DNAJC8: variants seen among roughly 807,000 people sequenced by gnomAD.
DNAJC8 encodes the protein DnaJ heat shock protein family (Hsp40) member C8.
A neutral mutation model predicts 43.2 loss-of-function variants in DNAJC8; 24 were observed. The ratio of observed to expected loss-of-function variants is 0.56; its 90% CI spans 0.40 to 0.78. DNAJC8 has a LOEUF of 0.78. DNAJC8 is among the 30% of genes least tolerant of loss of function. The pLI, the probability that DNAJC8 is intolerant of heterozygous loss-of-function variation, is 0.00. For synonymous variants in DNAJC8, 83 were observed against 98.0 expected (o/e 0.85, Z 0.90); for missense variants, 207 against 299.4 (o/e 0.69, Z 2.28).
At chr1:28,224,659 C>T (rs544017956) in intron 2 of DNAJC8, among the ~76,000 whole-genome samples, 11 of 152,032 alleles carry the variant, frequency 7.2e-5, no homozygotes, top group African/African-American at 2.2e-4. Context: ...CTGAGGAGGG[C>T]GGATCATGAG....
chr1:28,224,767 C>T (rs922279374), intron 2 of DNAJC8, among the ~76,000 whole-genome samples: 20 of 152,040 alleles, frequency 1.3e-4, no homozygotes, highest in African/African-American at 4.1e-4. Flanking sequence ...TCCTGTAATC[C>T]CAGCAACCAG....
rs1314233756 is a variant in DNAJC8 at position 28,212,170 on chromosome 1, T to TAAAAAA, written c.238-1534_238-1533insTTTTTT. On this transcript the variant is annotated intron_variant, in intron 3 of 8. Transcript: ENST00000263697. Reference sequence around the variant, plus strand: ...GACTCCGTCTCAATAAATAAATAAATATATATATATATATATATATATATA... The same window carrying TAAAAAA: ...GACTCCGTCTCAATAAATAAATAAATAAAAAAATATATATATATATATATATATATA... 3.4e-3 allele frequency among the ~76,000 whole-genome samples: 80 copies of TAAAAAA among 23,718 alleles called. 1 individual carries two copies. Among genetic ancestry groups the TAAAAAA allele is most frequent in the Non-Finnish European group, 5.5e-3 (66 of 12,026 alleles). 15.6% of individuals were successfully genotyped at this position (23,718 alleles called of 152,430 possible).
chr1:28,212,172 T>TATATATATATAC (rs1557707903), intron 3 of DNAJC8, among the ~76,000 whole-genome samples: 3 of 11,734 alleles, frequency 2.6e-4, no homozygotes, highest in African/African-American at 5.8e-4. Flanking sequence ...TAAATAAATA[T>TATATATATATAC]ATATATATAT....
intron 6 of DNAJC8, among the ~76,000 whole-genome samples, chr1:28,207,734 G>A (rs969528196): frequency 4.9e-5 from 7 of 143,242 alleles, no homozygotes; most frequent in East Asian, 2.1e-4. Context: ...GAGCCACTGC[G>A]CCCAGCCAAA....
intron 2 of DNAJC8, among the ~76,000 whole-genome samples, chr1:28,221,444 C>T (rs181522652): frequency 2.6e-5 from 4 of 152,246 alleles, no homozygotes; most frequent in African/African-American, 7.2e-5. Context: ...CTCACCATAT[C>T]GTCACACATC....
At chr1:28,203,651 A>G in intron 8 of DNAJC8, 96 bp downstream of exon 8, 1 of 1,210,228 alleles carries the variant, frequency 8.3e-7, no homozygotes, top group Non-Finnish European at 1.2e-6. Flanking sequence ...CACATATCCC[A>G]CTCCCCTCTG....
chr1:28,232,230 C>A (rs1646981221), intron 1 of DNAJC8, among the ~76,000 whole-genome samples: 4 of 152,190 alleles, frequency 2.6e-5, no homozygotes, highest in Admixed American at 2.6e-4. Flanking sequence ...CTGTGCCCAG[C>A]CCCTTGCAAT....
chr1:28,214,618 T>C (rs913060791), intron 3 of DNAJC8, among the ~76,000 whole-genome samples: 7 of 152,150 alleles, frequency 4.6e-5, no homozygotes, highest in African/African-American at 1.7e-4. Flanking sequence ...ATTTGATATG[T>C]TCCCTCCTAG....
chr1:28,231,694 C>T (rs1034951449), intron 1 of DNAJC8, among the ~76,000 whole-genome samples: 16 of 149,982 alleles, frequency 1.1e-4, no homozygotes, highest in African/African-American at 3.7e-4. Flanking sequence ...CAGGCCTGGG[C>T]AACAAGAGCA....
At chr1:28,215,825 C>A (rs1646849532) in intron 2 of DNAJC8, among the ~76,000 whole-genome samples, 2 of 151,750 alleles carry the variant, frequency 1.3e-5, no homozygotes, top group Admixed American at 6.6e-5. Context: ...GTGTGAGCCA[C>A]CGCGCCCAGC....
chr1:28,207,593 G>A (rs1023745277), intron 6 of DNAJC8, among the ~76,000 whole-genome samples: 5 of 150,566 alleles, frequency 3.3e-5, no homozygotes, highest in African/African-American at 1.2e-4. Flanking sequence ...ACAGGCACGT[G>A]CCACCACGCC....
At chr1:28,205,808 A>T (rs1007762707) in intron 6 of DNAJC8, among the ~76,000 whole-genome samples, 4 of 152,144 alleles carry the variant, frequency 2.6e-5, no homozygotes, top group African/African-American at 9.7e-5. Flanking sequence ...GAATCACTTG[A>T]ACCCAGGAGA....
intron 7 of DNAJC8, 56 bp downstream of exon 7, chr1:28,205,202 A>G (rs1290020790): frequency 1.5e-6 from 2 of 1,313,798 alleles, no homozygotes; most frequent in African/African-American, 2.9e-5. Context: ...ACCAAAGACC[A>G]ATGTTAGTTA....
At chr1:28,214,121 C>T (rs1646835043) in intron 3 of DNAJC8, among the ~76,000 whole-genome samples, 4 of 151,856 alleles carry the variant, frequency 2.6e-5, no homozygotes, top group Admixed American at 2.6e-4. Flanking sequence ...CTTTGTAGTT[C>T]CAGTTATTAA....
At chr1:28,216,808 CTTT>C (rs1178044559) in intron 2 of DNAJC8, among the ~76,000 whole-genome samples, 7 of 131,080 alleles carry the variant, frequency 5.3e-5, no homozygotes, top group Non-Finnish European at 3.3e-5. Flanking sequence ...GGGGCGATTT[CTTT>C]TTTTTTTTTT....
At chr1:28,204,514 G>T (rs1646756414) in intron 7 of DNAJC8, among the ~76,000 whole-genome samples, 1 of 151,602 alleles carries the variant, frequency 6.6e-6, no homozygotes, top group South Asian at 2.1e-4. Flanking sequence ...TCCAGCCTGG[G>T]CAACAAAAGC....
rs1468457051 is a variant in DNAJC8, at chr1:28,201,381, A to G, written c.640-11T>C. ...ACCATCTCGACTTTCCTAAGTACAA[A>G]AGAAGTTTGAGGTGAGGAGACCAGT... On this transcript the variant is annotated splice_polypyrimidine_tract_variant and intron_variant, in intron 8 of 8. Coordinates refer to ENST00000263697, the MANE Select transcript of DNAJC8 (RefSeq NM_014280.3). 6.2e-7 allele frequency: 1 copy of G among 1,613,678 alleles called. No homozygotes were observed. Among genetic ancestry groups the G allele is most frequent in the African/African-American group, 1.3e-5 (1 of 74,908 alleles).
rs1451252187 is a variant in DNAJC8 at position 28,200,868 on chromosome 1, C to A, written c.*380G>T. 2.8e-6 allele frequency: 1 copy of A among 359,850 alleles called. No individual in the cohort carries two copies. The highest frequency in any genetic ancestry group is 2.1e-5 in the African/African-American group (1 of 46,834). 22.3% of individuals were successfully genotyped at this position (359,850 alleles called of 1,614,324 possible). A position where few individuals can be genotyped will look rare whatever the true frequency, so the allele number is the denominator to read the frequency against. ...CCCCTTCCAGGCTTGTCTCTGAAGT[C>A]ACAGCAACACTGTTTTAAGCAGTAT... On this transcript the variant is annotated 3_prime_UTR_variant, in exon 9 of 9. Transcript: ENST00000263697.
Position 28,203,778 on chromosome 1 carries a change from T to C in DNAJC8, c.608A>G (p.Lys203Arg), listed in dbSNP as rs773508225. 4 of 1,614,054 alleles carry C rather than the reference T, an allele frequency of 2.5e-6. No homozygotes were observed. In the African/African-American group the frequency reaches 4.0e-5, roughly 16 times the overall value. The change falls in exon 8 of 9, where the codon AAA (lysine) becomes AGA (arginine). Residue 203 changes from lysine (K) to arginine (R), a missense_variant. Lys to Arg is a conservative substitution (Grantham distance 26). Around this residue, in one of 2 missense-constraint regions of DNAJC8, gnomAD observed 159 missense variants for 267.5 expected, o/e 0.59. Coordinates refer to ENST00000263697, the MANE Select transcript of DNAJC8 (RefSeq NM_014280.3). ...GTTTTTCTGCCACTCTCTTTCCCGT[T>C]TGGCTTTTTCTTGAGCTTCAATCTC... ...EEEIEAQEKA[K>R]REREWQKNFE...
Sources: gnomAD v4.1 joint callset for allele counts (sites outside exome capture counted in the v4.1 genomes callset) on GRCh38, gnomAD v4.1.1 for gene constraint, gnomAD v4.1.1 regional missense constraint, MANE v1.5 for transcripts, NCBI Gene and HGNC (gene_info 2026-07-23, HGNC 2026-07-21) for gene names.